ADPGK: variants seen among roughly 807,000 people sequenced by gnomAD.
The protein encoded by ADPGK is ADP dependent glucokinase, also known as ADP-dependent glucokinase.
A neutral mutation model predicts 42.4 loss-of-function variants in ADPGK; 26 were observed. The ratio of observed to expected loss-of-function variants is 0.61; its 90% confidence interval spans 0.45 to 0.85. The LOEUF (loss-of-function observed/expected upper bound fraction) is 0.85, where lower values mean the gene tolerates loss of function less well. Among genes scored for constraint, ADPGK ranks in the 40% least tolerant of loss-of-function variants. The pLI, the probability that ADPGK is intolerant of heterozygous loss-of-function variation, is 0.00. For synonymous variants in ADPGK, 267 were observed against 252.6 expected, an observed-to-expected ratio of 1.06 and a Z score of -0.54; for missense variants, 571 against 627.0, an observed-to-expected ratio of 0.91 and a Z score of 0.95.
rs1350825042 is a variant in ADPGK at position 72,771,609 on chromosome 15, A to G, written c.522+174T>C. Reference sequence around the variant, plus strand: ...AATGTCAGGCACAGAGTAAACACTCAAAGTATTAGTTACTACTATCTCCTA... The same window carrying G: ...AATGTCAGGCACAGAGTAAACACTCGAAGTATTAGTTACTACTATCTCCTA... On this transcript the variant is annotated intron_variant, in intron 3 of 6. Transcript: ENST00000456471. Among the ~76,000 whole-genome samples, 3 of 152,240 alleles carry G rather than the reference A, an allele frequency of 2.0e-5. 1 individual carries two copies. In the South Asian group the frequency reaches 6.2e-4, roughly 31 times the overall value.
chr15:72,778,654 C>G (rs1165858393), intron 1 of ADPGK, among the ~76,000 whole-genome samples: 1 of 152,206 alleles, frequency 6.6e-6, no homozygotes, highest in East Asian at 1.9e-4. Context: ...ATAAGTGCCT[C>G]TAAGGCAAAG....
intron 1 of ADPGK, among the ~76,000 whole-genome samples, chr15:72,777,485 C>A (rs1347209484): frequency 2.6e-5 from 4 of 152,074 alleles, no homozygotes; most frequent in Non-Finnish European, 4.4e-5. Flanking sequence ...TGAGACCAGC[C>A]TGGCCAAGAT....
rs971029286 is a variant in ADPGK, at chr15:72,752,278, C to A, written c.*63G>T. 4.6e-5 allele frequency: 69 copies of A among 1,489,596 alleles called. No individual in the cohort carries two copies. The highest frequency in any genetic ancestry group is 6.1e-5 in the Non-Finnish European group (68 of 1,108,662). 92.3% of individuals were successfully genotyped at this position (1,489,596 alleles called of 1,614,324 possible). ...CTTTGGCTGTCTTCCAAACCACTTTCTTCCTGTAATTCTTAAGTTGGCTAG... is the reference window on the plus strand; with the variant it reads ...CTTTGGCTGTCTTCCAAACCACTTTATTCCTGTAATTCTTAAGTTGGCTAG... On this transcript the variant is annotated 3_prime_UTR_variant, in exon 7 of 7. Coordinates refer to ENST00000456471, the MANE Select transcript of ADPGK (RefSeq NM_001365225.1).
chr15:72,768,970 T>A (rs2066294549), intron 3 of ADPGK, among the ~76,000 whole-genome samples: 1 of 78,810 alleles, frequency 1.3e-5, no homozygotes. Context: ...CCAGATCCTG[T>A]CTCTCAAAAA....
chr15:72,760,989 G>C (rs1417148509), intron 3 of ADPGK, among the ~76,000 whole-genome samples: 1 of 152,104 alleles, frequency 6.6e-6, no homozygotes, highest in Non-Finnish European at 1.5e-5. Context: ...AGAAAAGAGA[G>C]AGAGATCAAT....
At chr15:72,773,744 C>A (rs2066355821) in intron 2 of ADPGK, among the ~76,000 whole-genome samples, 1 of 152,238 alleles carries the variant, frequency 6.6e-6, no homozygotes, top group Non-Finnish European at 1.5e-5. Context: ...AAGAATCTCA[C>A]TACTGATCCC....
intron 1 of ADPGK, among the ~76,000 whole-genome samples, chr15:72,779,895 T>C (rs62017600): frequency 1.3e-5 from 2 of 151,998 alleles, no homozygotes; most frequent in Non-Finnish European, 2.9e-5. Flanking sequence ...ACAATGTATG[T>C]ACATTTCTCC....
intron 2 of ADPGK, among the ~76,000 whole-genome samples, chr15:72,773,277 G>C (rs1382573541): frequency 6.6e-6 from 1 of 152,150 alleles, no homozygotes; most frequent in African/African-American, 2.4e-5. Context: ...ATTTTGTGCT[G>C]ACTAACCTCT....
chr15:72,771,477 T>A (rs1378876665), intron 3 of ADPGK, among the ~76,000 whole-genome samples: 2 of 152,242 alleles, frequency 1.3e-5, no homozygotes, highest in Non-Finnish European at 2.9e-5. Context: ...TGTGAACCTC[T>A]GTGTGCCTCA....
Position 72,783,613 on chromosome 15 carries a change from G to A in ADPGK, c.79C>T (p.Leu27=), listed in dbSNP as rs755454510. 2.6e-6 allele frequency: 4 copies of A among 1,516,014 alleles called. No individual in the cohort carries two copies. In the African/African-American group the frequency reaches 4.3e-5, roughly 16 times the overall value. 93.9% of individuals were successfully genotyped at this position (1,516,014 alleles called of 1,614,324 possible). ...AGAGAGCGCAGCGCCGAGCCTGGCA[G>A]CTCTGGCTCCAGCAGGAAGACGCAG... is the stretch of plus-strand genomic sequence containing the variant. ...VGCVFLLEPE[L]PGSALRSLWS... The change falls in exon 1 of 7, where the codon CTG becomes TTG. Residue 27 remains leucine, a synonymous_variant. Transcript: ENST00000456471.
At chr15:72,759,691 T>G (rs749896076) in intron 4 of ADPGK, among the ~76,000 whole-genome samples, 1 of 150,684 alleles carries the variant, frequency 6.6e-6, no homozygotes, top group Non-Finnish European at 1.5e-5. Flanking sequence ...GTATTAACAA[T>G]GTGTTGAATC....
intron 4 of ADPGK, chr15:72,758,420 A>G: frequency 4.2e-6 from 2 of 470,866 alleles, no homozygotes; most frequent in South Asian, 2.4e-5. Flanking sequence ...ATCTGGTAAG[A>G]GAGAATGTGG....
intron 2 of ADPGK, among the ~76,000 whole-genome samples, chr15:72,773,467 T>C (rs2066353217): frequency 6.6e-6 from 1 of 152,228 alleles, no homozygotes; most frequent in Non-Finnish European, 1.5e-5. Flanking sequence ...ATTTCAGAAT[T>C]TTCATATAAT....
At chr15:72,782,097 C>G (rs1199588198) in intron 1 of ADPGK, among the ~76,000 whole-genome samples, 1 of 152,212 alleles carries the variant, frequency 6.6e-6, no homozygotes, top group Non-Finnish European at 1.5e-5. Flanking sequence ...TCTGTTCTAG[C>G]AGCCCAAATG....
Position 72,783,472 on chromosome 15 carries a change from G to A in ADPGK, c.220C>T (p.Arg74Cys). Reference sequence around the variant, plus strand: ...GTTGGCACTCACCCCACTGCCACGCGGCGCCAGCGCCGGACTGGCCGCACG... The same window carrying A: ...GTTGGCACTCACCCCACTGCCACGCAGCGCCAGCGCCGGACTGGCCGCACG... ...LIVRPVRRWR[R>C]VAVGVNACVD... Residue 74 changes from arginine (R) to cysteine (C), a missense_variant, in exon 1 of 7, where the codon CGC becomes TGC. Coordinates refer to ENST00000456471, the MANE Select transcript of ADPGK (RefSeq NM_001365225.1). The A allele has an allele frequency of 1.4e-6, 2 of 1,389,238 alleles. No homozygotes were observed. The highest frequency in any genetic ancestry group is 1.9e-6 in the Non-Finnish European group (2 of 1,078,050). 86.1% of individuals were successfully genotyped at this position (1,389,238 alleles called of 1,614,324 possible). A position where few individuals can be genotyped will look rare whatever the true frequency, so the allele number is the denominator to read the frequency against.
At chr15:72,768,945 G>A (rs1371194235) in intron 3 of ADPGK, among the ~76,000 whole-genome samples, 2 of 147,820 alleles carry the variant, frequency 1.4e-5, no homozygotes, top group East Asian at 4.0e-4. Flanking sequence ...CTGCACTCCA[G>A]CCTGGATGAC....
chr15:72,755,791 G>A (rs1026841000), intron 5 of ADPGK, 137 bp from the exon 6 acceptor site: 7 of 682,830 alleles, frequency 1.0e-5, no homozygotes, highest in African/African-American at 3.5e-5. Context: ...TACAAGCAAT[G>A]TGGGTCCCCA....
In ADPGK at chr15:72,752,439, G is replaced by C. The variant is rs781675166; in HGVS notation, c.1396C>G (p.Pro466Ala). Residue 466 changes from proline to alanine, a missense_variant, in exon 7 of 7, where the codon CCA becomes GCA. Physicochemically the swap from Pro to Ala is conservative, Grantham distance 27. This residue lies in a region of ADPGK where 434 missense variants were observed against 522.7 expected (regional missense o/e 0.83). Transcript: ENST00000456471. ...HREGISFHFT[P>A]VLVCKDPIRT... ...ATGGGGTCTTTACACACCAATACTG[G>C]TGTGAAGTGGAAGGATATTCCCTCT... 5 of 1,614,220 alleles carry C rather than the reference G, an allele frequency of 3.1e-6. No individual in the cohort carries two copies. Among genetic ancestry groups the C allele is most frequent in the Non-Finnish European group, 4.2e-6 (5 of 1,180,046 alleles).
At chr15:72,760,365 C>T in intron 4 of ADPGK, 42 bp downstream of exon 4, 4 of 1,563,042 alleles carry the variant, frequency 2.6e-6, no homozygotes, top group Non-Finnish European at 3.5e-6. Flanking sequence ...AATACACAGC[C>T]CCTTGACTGG....
Sources: gnomAD v4.1 joint callset for allele counts (sites outside exome capture counted in the v4.1 genomes callset) on GRCh38, gnomAD v4.1.1 for gene constraint, gnomAD v4.1.1 regional missense constraint, MANE v1.5 for transcripts, NCBI Gene and HGNC (gene_info 2026-07-23, HGNC 2026-07-21) for gene names.